The following LIN9 variants were observed in gnomAD, a reference collection of about 807,000 sequenced individuals.
The protein encoded by LIN9 is lin-9 DREAM MuvB core complex component.
In LIN9, 18 loss-of-function variants were observed where a neutral mutation model predicts 78.0. The observed-to-expected ratio is 0.23, with a 90% CI of 0.16 to 0.34. The LOEUF is 0.34. LIN9 is among the 10% of genes least tolerant of loss of function. The probability of loss-of-function intolerance (pLI) is 1.00; values close to 1 mark genes in which losing one functional copy is unlikely to be tolerated. For synonymous variants in LIN9, 192 were observed against 215.2 expected (o/e 0.89, Z 0.94); for missense variants, 451 against 644.1 (o/e 0.70, Z 3.25).
At chr1:226,252,713 C>T (rs1156685296) in intron 10 of LIN9, among the ~76,000 whole-genome samples, 1 of 152,124 alleles carries the variant, frequency 6.6e-6, no homozygotes, top group African/African-American at 2.4e-5. Flanking sequence ...TAGCTCACGC[C>T]TATAATCCCA....
intron 10 of LIN9, among the ~76,000 whole-genome samples, chr1:226,253,921 G>GA (rs1576296051): frequency 6.6e-6 from 1 of 151,434 alleles, no homozygotes; most frequent in Admixed American, 6.6e-5. Flanking sequence ...TTTCAAAAAA[G>GA]AAAAAAAAGA....
At chr1:226,273,010 T>C (rs770378152) in intron 7 of LIN9, among the ~76,000 whole-genome samples, 6 of 152,152 alleles carry the variant, frequency 3.9e-5, no homozygotes, top group Non-Finnish European at 8.8e-5. Flanking sequence ...ACACACTATG[T>C]AGCCCAGGCT....
intron 13 of LIN9, 35 bp downstream of exon 13, chr1:226,233,309 T>C (rs769407540): frequency 1.3e-6 from 2 of 1,574,716 alleles, no homozygotes; most frequent in South Asian, 2.3e-5. Context: ...GGTTGCTTTG[T>C]GTCAAATTAA....
At chr1:226,254,266 G>A (rs1659048134) in intron 10 of LIN9, among the ~76,000 whole-genome samples, 1 of 152,206 alleles carries the variant, frequency 6.6e-6, no homozygotes, top group Admixed American at 6.5e-5. Context: ...GTGAACCACT[G>A]TGCCTGGCGG....
At chr1:226,298,875 T>C (rs1362975927) in intron 2 of LIN9, among the ~76,000 whole-genome samples, 1 of 152,058 alleles carries the variant, frequency 6.6e-6, no homozygotes, top group Non-Finnish European at 1.5e-5. Flanking sequence ...CTGGGCAACA[T>C]GGCAAGTCTC....
chr1:226,253,848 G>C (rs115169994), intron 10 of LIN9, among the ~76,000 whole-genome samples: 207 of 152,234 alleles, frequency 1.4e-3, no homozygotes, highest in African/African-American at 4.7e-3. Context: ...CCAGGAAGCA[G>C]AGTCTGCAAT....
At chr1:226,279,787 AG>A (rs1660926301) in intron 6 of LIN9, among the ~76,000 whole-genome samples, 1 of 150,096 alleles carries the variant, frequency 6.7e-6, no homozygotes. Flanking sequence ...AAAAAAAAAA[AG>A]GAAGGAAAGA....
chr1:226,279,769 GAAA>G (rs372383120), intron 6 of LIN9, among the ~76,000 whole-genome samples: 15 of 93,754 alleles, frequency 1.6e-4, no homozygotes, highest in Admixed American at 5.2e-4. Flanking sequence ...GACCCAGTCT[GAAA>G]AAAAAAAAAA....
chr1:226,252,424 C>A (rs1658896975), intron 10 of LIN9, among the ~76,000 whole-genome samples: 1 of 151,854 alleles, frequency 6.6e-6, no homozygotes. Flanking sequence ...TCCGTCAAAC[C>A]TCTAGAAATA....
intron 11 of LIN9, among the ~76,000 whole-genome samples, chr1:226,242,645 T>C (rs985266939): frequency 6.6e-6 from 1 of 152,202 alleles, no homozygotes; most frequent in African/African-American, 2.4e-5. Context: ...TGCAGACTTT[T>C]TTTAAAATTA....
chr1:226,252,910 T>C (rs1243358353), intron 10 of LIN9, among the ~76,000 whole-genome samples: 1 of 151,700 alleles, frequency 6.6e-6, no homozygotes, highest in Non-Finnish European at 1.5e-5. Flanking sequence ...GAGGCTGCAG[T>C]GAGCAAAGTG....
Position 226,266,197 on chromosome 1 carries a change from TC to T in LIN9, c.936+15del, listed in dbSNP as rs1659895503. 1 of 1,511,508 alleles carries T rather than the reference TC, an allele frequency of 6.6e-7. No individual in the cohort carries two copies. Among genetic ancestry groups the T allele is most frequent in the East Asian group, 2.4e-5 (1 of 41,050 alleles). The allele number at this position is 1,511,508 out of a possible 1,614,324, so 93.6% of individuals were successfully genotyped here. On this transcript the variant is annotated intron_variant, in intron 9 of 14. Transcript: ENST00000681046. ...AAAAATCAATTAAATTATTGATATTTCTAAAATATACTTACTATAATTGGTG... is the reference window on the plus strand; with the variant it reads ...AAAAATCAATTAAATTATTGATATTTTAAAATATACTTACTATAATTGGTG...
chr1:226,253,894 A>G (rs1357372595), intron 10 of LIN9, among the ~76,000 whole-genome samples: 1 of 152,110 alleles, frequency 6.6e-6, no homozygotes, highest in Non-Finnish European at 1.5e-5. Context: ...CAGCCTGGGC[A>G]ACAGAGTAAG....
chr1:226,232,884 A>C (rs1176048823), intron 14 of LIN9: 1 of 493,508 alleles, frequency 2.0e-6, no homozygotes, highest in Non-Finnish European at 3.5e-6. Context: ...CTGACCCCAA[A>C]CCTAAATATA....
chr1:226,258,924 A>G (rs924691915), intron 10 of LIN9, among the ~76,000 whole-genome samples: 3 of 143,704 alleles, frequency 2.1e-5, no homozygotes, highest in African/African-American at 5.1e-5. Flanking sequence ...AAAAAAAAAA[A>G]GGCATTACAT....
intron 1 of LIN9, 97 bp from the exon 2 acceptor site, chr1:226,301,302 G>T: frequency 1.2e-6 from 1 of 824,302 alleles, no homozygotes; most frequent in South Asian, 1.5e-5. Context: ...TTTAGTTTTA[G>T]TAATGTTGAG....
rs1171046294 is a variant in LIN9, at chr1:226,265,702, TA to T, written c.937-69del. The T allele has an allele frequency of 1.5e-5, 13 of 878,246 alleles. No homozygotes were observed. The highest frequency in any genetic ancestry group is 1.0e-4 in the African/African-American group (6 of 57,842). The allele number at this position is 878,246 out of a possible 1,614,324, so 54.4% of individuals were successfully genotyped here. A position where few individuals can be genotyped will look rare whatever the true frequency, so the allele number is the denominator to read the frequency against. The stretch of plus-strand genomic sequence containing the variant: ...AGGAAGTATCTTATTTTTTTATTTT[TA>T]TTTTTTTTTAGACGGAGTCTCGCTC... On this transcript the variant is annotated intron_variant, in intron 9 of 14. Coordinates refer to ENST00000681046, the MANE Select transcript of LIN9 (RefSeq NM_001366245.2). This position sits in a 1 kb window ranked among gnomAD's most constrained non-coding sequence, Gnocchi z 4.1.
At chr1:226,295,467 T>C (rs897302184) in intron 4 of LIN9, among the ~76,000 whole-genome samples, 1 of 151,246 alleles carries the variant, frequency 6.6e-6, no homozygotes. Context: ...TATATATAAA[T>C]AAACATATAT....
chr1:226,282,863 A>T (rs6605035), intron 6 of LIN9, among the ~76,000 whole-genome samples: 150,420 of 152,382 alleles, frequency 0.99, 74,249 homozygotes, highest in East Asian at 1. Context: ...TATCTCAGCA[A>T]ACTTTGATTT....
Sources: allele counts gnomAD v4.1 joint callset (sites outside exome capture counted in the v4.1 genomes callset), GRCh38; gene constraint gnomAD v4.1.1; non-coding constraint Gnocchi (gnomAD v3.1); transcripts MANE v1.5; gene names NCBI Gene and HGNC (gene_info 2026-07-23, HGNC 2026-07-21).